The following IQCK variants were observed in gnomAD, a reference collection of about 807,000 sequenced individuals.
IQCK encodes the protein IQ domain-containing protein K.
A neutral mutation model predicts 28.1 loss-of-function variants in IQCK; 29 were observed. The ratio of observed to expected loss-of-function variants is 1.03; its 90% CI spans 0.77 to 1.41. IQCK has a LOEUF of 1.41. IQCK is among the 40% of genes most tolerant of loss of function. The pLI is 0.00. For missense variants in IQCK, 359 were observed against 314.7 expected (o/e 1.14, Z -1.07); for synonymous variants, 113 against 115.1 (o/e 0.98, Z 0.12).
chr16:19,747,353 G>T lies in IQCK; in HGVS notation c.474+11903G>T, dbSNP rs145754779. 4.0e-3 allele frequency among the ~76,000 whole-genome samples: 612 copies of T among 152,188 alleles called. 3 individuals are homozygous for T. The highest frequency in any genetic ancestry group is 0.014 in the African/African-American group (562 of 41,524). The stretch of plus-strand genomic sequence containing the variant: ...GTTGTTCATAGGGCAGCCAGGCAGG[G>T]TTGCTTCAATTCAATTAGACACGTC... On this transcript the variant is annotated intron_variant, in intron 4 of 7. Coordinates refer to ENST00000564186, the Ensembl canonical transcript of IQCK.
rs190018400 is a variant in IQCK at position 19,741,124 on chromosome 16, C to T, written c.474+5674C>T. On this transcript the variant is annotated intron_variant, in intron 4 of 7. Transcript: ENST00000564186. ...AGGGGACAAGAAGACATGGTCCTGT[C>T]CTAGAGGAGCCATAATGATGAACTA... 4.3e-3 allele frequency among the ~76,000 whole-genome samples: 653 copies of T among 152,196 alleles called. 5 individuals are homozygous for T. The highest frequency in any genetic ancestry group is 0.015 in the African/African-American group (636 of 41,516).
chr16:19,854,028 A>G (rs1399161315), intron 9 of IQCK, among the ~76,000 whole-genome samples: 2 of 152,238 alleles, frequency 1.3e-5, no homozygotes, highest in Admixed American at 6.5e-5. Context: ...TCAGGGTCCT[A>G]CAGTCACGTT....
chr16:19,850,302 C>A (rs2056467061), intron 9 of IQCK, among the ~76,000 whole-genome samples: 1 of 152,166 alleles, frequency 6.6e-6, no homozygotes, highest in Admixed American at 6.6e-5. Flanking sequence ...ACAGCGTAAC[C>A]TTGAGCAAGT....
chr16:19,850,917 G>C (rs2056473686), intron 9 of IQCK, among the ~76,000 whole-genome samples: 2 of 152,128 alleles, frequency 1.3e-5, no homozygotes, highest in Admixed American at 1.3e-4. Flanking sequence ...TTAATACTTA[G>C]GAGGCTGAAG....
intron 1 of IQCK, among the ~76,000 whole-genome samples, chr16:19,722,819 C>T (rs1441875278): frequency 1.3e-5 from 2 of 152,016 alleles, no homozygotes; most frequent in Non-Finnish European, 2.9e-5. Context: ...CAGGTTCAAG[C>T]AATTCCCCCA....
chr16:19,749,674 G>A (rs1337924859), intron 4 of IQCK, among the ~76,000 whole-genome samples: 1 of 152,068 alleles, frequency 6.6e-6, no homozygotes, highest in Non-Finnish European at 1.5e-5. Context: ...GCTGAGGTGG[G>A]AGAATCCATT....
chr16:19,721,378 C>A (rs1490601953), intron 1 of IQCK, among the ~76,000 whole-genome samples: 3 of 152,160 alleles, frequency 2.0e-5, no homozygotes, highest in Non-Finnish European at 4.4e-5. Context: ...TGTGCATGCT[C>A]ACCACTATAA....
At chr16:19,723,543 G>A (rs1040806545) in intron 1 of IQCK, among the ~76,000 whole-genome samples, 1 of 152,122 alleles carries the variant, frequency 6.6e-6, no homozygotes, top group Non-Finnish European at 1.5e-5. Flanking sequence ...GGCAGGGTCG[G>A]CTTCAAACTC....
rs1567197814 is a variant in IQCK at position 19,833,248 on chromosome 16, A to G, written c.802+6111A>G. Reference sequence around the variant, plus strand: ...AAAGTTTGTACCCTTTGACCAACATAGAAGTTTCTTAGGAAAACCTGCCAA... The same window carrying G: ...AAAGTTTGTACCCTTTGACCAACATGGAAGTTTCTTAGGAAAACCTGCCAA... On this transcript the variant is annotated intron_variant, in intron 9 of 9. Coordinates refer to the IQCK transcript ENST00000320394. 2.0e-5 allele frequency among the ~76,000 whole-genome samples: 3 copies of G among 152,356 alleles called. No individual in the cohort carries two copies. The East Asian group carries it at 5.8e-4, about 29-fold the overall frequency.
At chr16:19,820,249 C>T (rs1229266434) in intron 7 of IQCK, among the ~76,000 whole-genome samples, 2 of 152,132 alleles carry the variant, frequency 1.3e-5, no homozygotes, top group African/African-American at 4.8e-5. Context: ...CGCAATGGCT[C>T]AAGTCTGTAG....
chr16:19,837,651 T>G (rs1324507480), intron 9 of IQCK, among the ~76,000 whole-genome samples: 1 of 152,214 alleles, frequency 6.6e-6, no homozygotes, highest in Non-Finnish European at 1.5e-5. Flanking sequence ...TTTAGTAATA[T>G]TTTTTAAAGC....
chr16:19,745,873 A>G (rs2054904257), intron 4 of IQCK, among the ~76,000 whole-genome samples: 1 of 152,070 alleles, frequency 6.6e-6, no homozygotes, highest in Non-Finnish European at 1.5e-5. Flanking sequence ...GTTCTCCTTC[A>G]TGTGGCCTCT....
intron 7 of IQCK, 95 bp from the exon 8 acceptor site, chr16:19,826,931 C>G: frequency 1.3e-6 from 1 of 782,326 alleles, no homozygotes; most frequent in South Asian, 1.5e-5. Flanking sequence ...AAAAGTACAT[C>G]CAACTGGTTT....
chr16:19,801,284 TTCTC>T (rs200001766), intron 7 of IQCK, among the ~76,000 whole-genome samples: 1,928 of 108,270 alleles, frequency 0.018, 96 homozygotes, highest in African/African-American at 0.055. Flanking sequence ...TTCACAGTCT[TTCTC>T]TCTCTCTCTC....
At chr16:19,753,605 G>C (rs1015954662) in intron 4 of IQCK, among the ~76,000 whole-genome samples, 1 of 152,108 alleles carries the variant, frequency 6.6e-6, no homozygotes, top group Non-Finnish European at 1.5e-5. Flanking sequence ...GGGATACTGA[G>C]CACGTATCTT....
chr16:19,826,208 A>G (rs770910315), intron 7 of IQCK, among the ~76,000 whole-genome samples: 25 of 152,162 alleles, frequency 1.6e-4, no homozygotes, highest in Non-Finnish European at 3.2e-4. Flanking sequence ...ACGTCTCACT[A>G]TGTTGCCCAG....
chr16:19,801,277 AC>A (rs1167454408), intron 7 of IQCK, among the ~76,000 whole-genome samples: 1 of 116,410 alleles, frequency 8.6e-6, no homozygotes, highest in Non-Finnish European at 1.6e-5. Context: ...ACAAGTCTTC[AC>A]AGTCTTTCTC....
At chr16:19,822,464 C>T (rs935486463) in intron 7 of IQCK, among the ~76,000 whole-genome samples, 2 of 150,768 alleles carry the variant, frequency 1.3e-5, no homozygotes, top group East Asian at 1.9e-4. Flanking sequence ...TATACCTATA[C>T]GATAGATATT....
intron 7 of IQCK, among the ~76,000 whole-genome samples, chr16:19,811,542 G>A (rs767157300): frequency 6.6e-6 from 1 of 152,110 alleles, no homozygotes; most frequent in Non-Finnish European, 1.5e-5. Flanking sequence ...ACAAAAAATA[G>A]GTGTGGCTTC....
Sources: allele counts gnomAD v4.1 joint callset (sites outside exome capture counted in the v4.1 genomes callset), GRCh38; gene constraint gnomAD v4.1.1; transcripts MANE v1.5; gene names NCBI Gene and HGNC (gene_info 2026-07-23, HGNC 2026-07-21).